UNC5D: variants seen among roughly 807,000 people sequenced by gnomAD.
The protein encoded by UNC5D is unc-5 netrin receptor D.
In UNC5D, 39 loss-of-function variants were observed where a neutral mutation model predicts 105.4. The ratio of observed to expected loss-of-function variants is 0.37; its 90% CI spans 0.29 to 0.48. The LOEUF is 0.48. Ranked by LOEUF, UNC5D falls within the 20% of genes least tolerant of loss-of-function variation. The pLI is 0.98. For synonymous variants in UNC5D, 452 were observed against 450.4 expected (o/e 1.00, Z -0.04); for missense variants, 991 against 1,202.4 (o/e 0.82, Z 2.60).
At chr8:35,697,575 A>G (rs1396348451) in intron 7 of UNC5D, among the ~76,000 whole-genome samples, 1 of 152,146 alleles carries the variant, frequency 6.6e-6, no homozygotes, top group African/African-American at 2.4e-5. Context: ...TAGCCACAAC[A>G]TCCTATGAAT....
intron 1 of UNC5D, among the ~76,000 whole-genome samples, chr8:35,468,557 G>A (rs1407808640): frequency 5.9e-5 from 9 of 152,168 alleles, no homozygotes; most frequent in Admixed American, 5.2e-4. Context: ...TAAGTTGGTA[G>A]TGTTATTGTC....
At chr8:35,529,484 A>T (rs1314377798) in intron 1 of UNC5D, among the ~76,000 whole-genome samples, 6 of 146,200 alleles carry the variant, frequency 4.1e-5, no homozygotes, top group African/African-American at 1.6e-4. Context: ...AGGTAGTGTG[A>T]TGCCTCCAGC....
chr8:35,586,166 C>G (rs1201872205), intron 3 of UNC5D, among the ~76,000 whole-genome samples: 1 of 152,064 alleles, frequency 6.6e-6, no homozygotes, highest in Admixed American at 6.6e-5. Flanking sequence ...CCCAGCTACT[C>G]CAGAGGCTGA....
In UNC5D at chr8:35,568,095, C is replaced by T; in HGVS notation, c.323-3C>T. The T allele has an allele frequency of 6.2e-7, 1 of 1,613,866 alleles. No homozygotes were observed. On this transcript the variant is annotated splice_region_variant and splice_polypyrimidine_tract_variant and intron_variant, in intron 2 of 16. Transcript: ENST00000404895. Reference sequence around the variant, plus strand: ...ATTTGTCTCTTATCTCTCCCACCATCAGGTTTGAAGGTCCGCGAAGTGTTC... The same window carrying T: ...ATTTGTCTCTTATCTCTCCCACCATTAGGTTTGAAGGTCCGCGAAGTGTTC...
intron 1 of UNC5D, among the ~76,000 whole-genome samples, chr8:35,314,287 A>C (rs2128880435): frequency 6.6e-6 from 1 of 152,284 alleles, no homozygotes; most frequent in Middle Eastern, 3.4e-3. Context: ...AACGAACATG[A>C]GTTTGATCAA....
At chr8:35,267,055 G>T (rs1422214788) in intron 1 of UNC5D, among the ~76,000 whole-genome samples, 2 of 151,294 alleles carry the variant, frequency 1.3e-5, no homozygotes, top group African/African-American at 2.4e-5. Context: ...ACATTTTTGG[G>T]ACCATATATC....
chr8:35,346,131 C>T (rs1356203091), intron 1 of UNC5D, among the ~76,000 whole-genome samples: 2 of 151,942 alleles, frequency 1.3e-5, no homozygotes, highest in East Asian at 3.9e-4. Context: ...TGAACTCTAG[C>T]TTTTGGGACA....
At chr8:35,429,117 T>A (rs115213683) in intron 1 of UNC5D, among the ~76,000 whole-genome samples, 2,104 of 152,214 alleles carry the variant, frequency 0.014, 60 homozygotes, top group African/African-American at 0.048. Flanking sequence ...ATAGAACACA[T>A]CATGGTTAAT....
At chr8:35,677,381 G>A (rs34139730) in intron 4 of UNC5D, among the ~76,000 whole-genome samples, 8,975 of 152,146 alleles carry the variant, frequency 0.059, 288 homozygotes, top group Non-Finnish European at 0.072. Context: ...GTGCTCGTGG[G>A]GGTCTCGTAC....
chr8:35,561,800 T>C (rs1407030490), intron 2 of UNC5D, among the ~76,000 whole-genome samples: 1 of 152,182 alleles, frequency 6.6e-6, no homozygotes, highest in Non-Finnish European at 1.5e-5. Flanking sequence ...TTGTGATATT[T>C]TGATACATTC....
intron 1 of UNC5D, among the ~76,000 whole-genome samples, chr8:35,355,101 G>T (rs1801475178): frequency 6.6e-6 from 1 of 152,128 alleles, no homozygotes. Context: ...ATTGGTTAGT[G>T]CAGTTACAGA....
intron 1 of UNC5D, chr8:35,525,815 A>G: frequency 6.9e-7 from 1 of 1,443,334 alleles, no homozygotes. Flanking sequence ...TTTTAATTAT[A>G]CAGAAAAGCA....
intron 1 of UNC5D, among the ~76,000 whole-genome samples, chr8:35,467,572 C>CAAAAAA (rs769649743): frequency 4.7e-5 from 2 of 42,528 alleles, no homozygotes; most frequent in African/African-American, 7.1e-5. Context: ...CTATGACAGG[C>CAAAAAA]AAAAAAAAAA....
chr8:35,240,518 G>A (rs1413520718), intron 1 of UNC5D, among the ~76,000 whole-genome samples: 3 of 152,082 alleles, frequency 2.0e-5, no homozygotes, highest in Non-Finnish European at 4.4e-5. Context: ...ATTAACTGAT[G>A]TAATCCTGAA....
intron 1 of UNC5D, among the ~76,000 whole-genome samples, chr8:35,381,644 C>T (rs1171777077): frequency 2.0e-5 from 3 of 151,296 alleles, no homozygotes; most frequent in African/African-American, 7.3e-5. Context: ...TGCTTAATCT[C>T]GTGCATGTTT....
chr8:35,440,692 T>C (rs1207758557), intron 1 of UNC5D, among the ~76,000 whole-genome samples: 1 of 151,990 alleles, frequency 6.6e-6, no homozygotes, highest in Non-Finnish European at 1.5e-5. Context: ...TAGACATGAA[T>C]ATTAATACAT....
At chr8:35,601,007 T>C (rs1421249204) in intron 4 of UNC5D, among the ~76,000 whole-genome samples, 2 of 152,140 alleles carry the variant, frequency 1.3e-5, no homozygotes, top group Non-Finnish European at 2.9e-5. Flanking sequence ...GAGTTTCAGC[T>C]TTCTACATAT....
intron 1 of UNC5D, among the ~76,000 whole-genome samples, chr8:35,354,704 A>G (rs779543741): frequency 4.5e-4 from 68 of 152,138 alleles, no homozygotes; most frequent in Non-Finnish European, 8.7e-4. Flanking sequence ...CCTTTGCTGC[A>G]TTAAAAAACT....
chr8:35,378,179 G>T (rs1802809943), intron 1 of UNC5D, among the ~76,000 whole-genome samples: 1 of 152,114 alleles, frequency 6.6e-6, no homozygotes, highest in Admixed American at 6.5e-5. Context: ...CCTTATGGAA[G>T]CCCTTGTTAA....
Sources: gnomAD v4.1 joint callset for allele counts (sites outside exome capture counted in the v4.1 genomes callset) on GRCh38, gnomAD v4.1.1 for gene constraint, MANE v1.5 for transcripts, NCBI Gene and HGNC (gene_info 2026-07-23, HGNC 2026-07-21) for gene names.